The following CORO7 variants were observed in gnomAD, a reference collection of about 807,000 sequenced individuals.
CORO7 encodes the protein coronin-7.
In CORO7, 107 loss-of-function variants were observed where a neutral mutation model predicts 126.6. The ratio of observed to expected loss-of-function variants is 0.85; its 90% CI spans 0.72 to 0.99. CORO7 has a LOEUF of 0.99. CORO7 is among the 50% of genes least tolerant of loss of function. CORO7 has a pLI of 0.00. For synonymous variants in CORO7, 603 were observed against 536.8 expected (o/e 1.12, Z -1.70); for missense variants, 1,314 against 1,255.8 (o/e 1.05, Z -0.70).
intron 9 of CORO7, among the ~76,000 whole-genome samples, chr16:4,375,860 T>C (rs1292880119): frequency 1.3e-5 from 2 of 152,150 alleles, no homozygotes; most frequent in African/African-American, 4.8e-5. Flanking sequence ...TCCTGGATGA[T>C]TCTGATGTGC....
rs1403948263 is a variant in CORO7, at chr16:4,416,559, G to A, written c.-41C>T. The A allele has an allele frequency of 1.2e-5, 19 of 1,570,528 alleles. No individual in the cohort carries two copies. The highest frequency in any genetic ancestry group is 1.5e-5 in the Non-Finnish European group (17 of 1,162,152). On this transcript the variant is annotated 5_prime_UTR_variant, in exon 1 of 28. Transcript: ENST00000251166. ...GGCGGACGCGTCTTCGAGGACCCCG[G>A]GCGTCGGGTCTCAGGTGCACGCTGA...
At chr16:4,379,643 C>A (rs1052836646) in intron 9 of CORO7, among the ~76,000 whole-genome samples, 3 of 152,058 alleles carry the variant, frequency 2.0e-5, no homozygotes, top group African/African-American at 7.2e-5. Context: ...AGTGTTCCTT[C>A]GTCCTTCCCA....
Position 4,407,562 on chromosome 16 carries a change from C to G in CORO7, c.426G>C (p.Leu142=). 1 of 1,585,714 alleles carries G rather than the reference C, an allele frequency of 6.3e-7. No homozygotes were observed. The highest frequency in any genetic ancestry group is 8.6e-7 in the Non-Finnish European group (1 of 1,165,974). The change falls in exon 5 of 28, where the codon CTG becomes CTC. Residue 142 remains leucine, a synonymous_variant. Transcript: ENST00000251166. ...TCACAGTGGTGCCTGCTGCGCTCAC[C>G]AGAATGCCGTCAGAGGTGGGGTGGA... The part of the protein sequence containing the change: ...LQFHPTSDGI[L]VSAAGTTVKV...
At chr16:4,368,085 G>A (rs567599117) in intron 9 of CORO7, among the ~76,000 whole-genome samples, 8 of 152,286 alleles carry the variant, frequency 5.3e-5, no homozygotes, top group African/African-American at 1.7e-4. Context: ...GCTGGCTCAC[G>A]CCTGTAATCC....
intron 23 of CORO7, chr16:4,358,748 A>G (rs2054064019): frequency 2.5e-6 from 1 of 404,376 alleles, no homozygotes; most frequent in Non-Finnish European, 4.4e-6. Context: ...TGGTGTTGGG[A>G]AGAGATGTAA....
chr16:4,363,119 T>G (rs1596277373), intron 14 of CORO7: 1 of 166,246 alleles, frequency 6.0e-6, no homozygotes, highest in East Asian at 1.6e-4. Context: ...CGTGTTTCTC[T>G]GTCTCTGTTA....
chr16:4,400,534 G>A (rs2055759952), intron 6 of CORO7, among the ~76,000 whole-genome samples: 1 of 152,190 alleles, frequency 6.6e-6, no homozygotes, highest in South Asian at 2.1e-4. Context: ...TCGGGACGGG[G>A]AGGCAGGAGA....
In CORO7 at chr16:4,365,984, C is replaced by G. The variant is rs572490731; in HGVS notation, c.786-439G>C. 2.1e-4 allele frequency among the ~76,000 whole-genome samples: 32 copies of G among 152,330 alleles called. 1 individual carries two copies. The highest frequency in any genetic ancestry group is 3.7e-4 in the Non-Finnish European group (25 of 68,026). On this transcript the variant is annotated intron_variant, in intron 9 of 27. Coordinates refer to ENST00000251166, the MANE Select transcript of CORO7 (RefSeq NM_024535.5). ...GGCACTGCCTGTGGACAGGCAGCAT[C>G]CGGGAGCAGTGCAGGCAGCCCTGCC...
chr16:4,370,476 T>C (rs561929360), intron 9 of CORO7, among the ~76,000 whole-genome samples: 2 of 152,344 alleles, frequency 1.3e-5, no homozygotes, highest in East Asian at 3.9e-4. Flanking sequence ...TTTTCAATGT[T>C]AGCAGTGCCT....
chr16:4,357,056 G>A lies in CORO7; in HGVS notation c.2685+112C>T, dbSNP rs149045884. ...CACCAGGCTCTGGTGTGAAGGGGAC[G>A]TGACATGTGGCTGCTGTCCCAGTCT... On this transcript the variant is annotated intron_variant, in intron 26 of 27. Coordinates refer to ENST00000251166, the MANE Select transcript of CORO7 (RefSeq NM_024535.5). 2.6e-5 allele frequency: 36 copies of A among 1,371,984 alleles called. 1 individual carries two copies. Among genetic ancestry groups the A allele is most frequent in the Middle Eastern group, 2.1e-4 (1 of 4,856 alleles). 85.0% of individuals were successfully genotyped at this position (1,371,984 alleles called of 1,614,324 possible). A position where few individuals can be genotyped will look rare whatever the true frequency, so the allele number is the denominator to read the frequency against.
intron 19 of CORO7, 53 bp from the exon 20 acceptor site, chr16:4,360,601 C>G (rs2054135220): frequency 6.5e-7 from 1 of 1,543,224 alleles, no homozygotes; most frequent in East Asian, 2.4e-5. Flanking sequence ...CTGGCCCCAC[C>G]TCTCCCCACT....
intron 6 of CORO7, among the ~76,000 whole-genome samples, chr16:4,401,194 A>G (rs2055792435): frequency 6.6e-6 from 1 of 152,216 alleles, no homozygotes; most frequent in South Asian, 2.1e-4. Flanking sequence ...TTGTGCTGGG[A>G]AGGCAAAGGC....
chr16:4,358,090 T>C lies in CORO7; in HGVS notation c.2471A>G (p.Gln824Arg), dbSNP rs1379850079. Residue 824 changes from glutamine (Q) to arginine (R), a missense_variant, in exon 25 of 28, where the codon CAG (glutamine) becomes CGG (arginine). Physicochemically the swap from Gln to Arg is conservative, Grantham distance 43 (BLOSUM62 1). Coordinates refer to ENST00000251166, the MANE Select transcript of CORO7 (RefSeq NM_024535.5). ...RLPRVRKEFF[Q>R]DDVFPDTAVI... is the part of the protein sequence containing the mutation. ...AGCCGTGTCTGGGAACACGTCATCCTGGAAGAACTCTTTCTGCAGAGGGAG... is the reference window on the plus strand; with the variant it reads ...AGCCGTGTCTGGGAACACGTCATCCCGGAAGAACTCTTTCTGCAGAGGGAG... 2.5e-6 allele frequency: 4 copies of C among 1,612,342 alleles called. No individual in the cohort carries two copies. In the East Asian group the frequency reaches 6.7e-5, roughly 27 times the overall value.
At position 4,361,058 on chromosome 16, in the gene CORO7, C is replaced by A; in HGVS notation, c.1802G>T (p.Arg601Leu). The change falls in exon 19 of 28, where the codon CGC (arginine) becomes CTC (leucine). Residue 601 changes from arginine (R) to leucine (L), a missense_variant. Coordinates refer to ENST00000251166, the MANE Select transcript of CORO7 (RefSeq NM_024535.5). ...CACATTGGCTGCCAGTGGGTGGAAG[C>A]GCAGGGAGCAGATCTTCTCCGTGTG... ...TGHTEKICSL[R>L]FHPLAANVLA... 1 of 1,613,328 alleles carries A rather than the reference C, an allele frequency of 6.2e-7. No homozygotes were observed. The highest frequency in any genetic ancestry group is 8.5e-7 in the Non-Finnish European group (1 of 1,180,014).
intron 9 of CORO7, among the ~76,000 whole-genome samples, chr16:4,373,036 C>T (rs1363128702): frequency 1.3e-5 from 2 of 152,052 alleles, no homozygotes; most frequent in African/African-American, 2.4e-5. Context: ...GAGGGGTGGC[C>T]GGGCTGGGAC....
At position 4,387,987 on chromosome 16, in the gene CORO7, C is replaced by T. The variant is rs1377122735; in HGVS notation, c.784G>A (p.Gly262Arg). ...LASLTLDTSLGCLVPLLDPDS... is the reference protein window; with the variant it reads ...LASLTLDTSLRCLVPLLDPDS... ...CCACCTGCGTGCCGCAGCTCCTACC[C>T]AAGCGAGGTGTCCAAGGTGAGGGAG... Residue 262 changes from glycine (G) to arginine (R), a missense_variant and splice_region_variant, in exon 9 of 28, where the codon GGG (glycine) becomes AGG (arginine). By Grantham distance (125) the Gly-to-Arg change is moderately radical (BLOSUM62 -2). Coordinates refer to ENST00000251166, the MANE Select transcript of CORO7 (RefSeq NM_024535.5). 1.9e-6 allele frequency: 3 copies of T among 1,612,966 alleles called. No individual in the cohort carries two copies. The highest frequency in any genetic ancestry group is 2.2e-5 in the South Asian group (2 of 91,056).
At chr16:4,376,337 C>T (rs1022351226) in intron 9 of CORO7, among the ~76,000 whole-genome samples, 5 of 152,190 alleles carry the variant, frequency 3.3e-5, no homozygotes, top group East Asian at 1.9e-4. Context: ...GGCAGACTCC[C>T]GGGGCTGGGC....
At chr16:4,397,642 T>C (rs988999495) in intron 6 of CORO7, among the ~76,000 whole-genome samples, 3 of 152,052 alleles carry the variant, frequency 2.0e-5, no homozygotes, top group African/African-American at 7.2e-5. Context: ...AGATGGAGTT[T>C]CATTCTTGTC....
Position 4,382,336 on chromosome 16 carries a change from A to C in CORO7, c.785+5650T>G, listed in dbSNP as rs143524537. 30 of 1,611,048 alleles carry C rather than the reference A, an allele frequency of 1.9e-5. No individual in the cohort carries two copies. The African/African-American group carries it at 3.1e-4, about 16-fold the overall frequency. On this transcript the variant is annotated intron_variant, in intron 9 of 27. Transcript: ENST00000251166. ...GGGGCTGCAGCGCTACCTCCAGGGG[A>C]GCTCCGTGCAGCTCAGGAGCCTCCG...
Sources: gnomAD v4.1 joint callset for allele counts (sites outside exome capture counted in the v4.1 genomes callset) on GRCh38, gnomAD v4.1.1 for gene constraint, MANE v1.5 for transcripts, NCBI Gene and HGNC (gene_info 2026-07-23, HGNC 2026-07-21) for gene names.